Variants in STX7 observed in about 807,000 individuals in gnomAD.
The protein encoded by STX7 is syntaxin 7.
In STX7, 34 loss-of-function variants were observed where a neutral mutation model predicts 39.6. The ratio of observed to expected loss-of-function variants is 0.86; its 90% confidence interval spans 0.65 to 1.14. The LOEUF is 1.14. Ranked by LOEUF, STX7 falls within the 50% of genes most tolerant of loss-of-function variation. The pLI is 0.00. For synonymous variants in STX7, 119 were observed against 99.1 expected, an observed-to-expected ratio of 1.20 and a Z score of -1.19; for missense variants, 284 against 310.4, an observed-to-expected ratio of 0.92 and a Z score of 0.64.
chr6:132,491,917 G>A (rs1377520963), intron 2 of STX7, among the ~76,000 whole-genome samples: 1 of 152,122 alleles, frequency 6.6e-6, no homozygotes, highest in African/African-American at 2.4e-5. Context: ...TCTGGAGTCA[G>A]TCCATATCCA....
rs1774003162 is a variant in STX7 at position 132,445,965 on chromosome 6, T to G, written c.*14793A>C. ...ACATGGGGTTGTTATTACAATCTCT[T>G]CAGTGTTCAAGGTTTCTAAAATTCT... On this transcript the variant is annotated 3_prime_UTR_variant, in exon 10 of 10. Transcript: ENST00000367941. 1 of 152,206 alleles carries G rather than the reference T, an allele frequency of 6.6e-6. No homozygotes were observed. The highest frequency in any genetic ancestry group is 2.4e-5 in the African/African-American group (1 of 41,454). 9.4% of individuals were successfully genotyped at this position (152,206 alleles called of 1,614,324 possible). A position where few individuals can be genotyped will look rare whatever the true frequency, so the allele number is the denominator to read the frequency against.
chr6:132,453,161 C>T lies in STX7; in HGVS notation c.*7597G>A, dbSNP rs1013914180. The T allele has an allele frequency of 6.6e-6, 1 of 151,848 alleles. No homozygotes were observed. Among genetic ancestry groups the T allele is most frequent in the African/African-American group, 2.4e-5 (1 of 41,350 alleles). 9.4% of individuals were successfully genotyped at this position (151,848 alleles called of 1,614,324 possible). A position where few individuals can be genotyped will look rare whatever the true frequency, so the allele number is the denominator to read the frequency against. On this transcript the variant is annotated 3_prime_UTR_variant, in exon 10 of 10. Transcript: ENST00000367941. Reference sequence around the variant, plus strand: ...AATGGACAAAAAAGAGCCTTTTCGACAAATATCATGTTGGAGTAATTGAAT... The same window carrying T: ...AATGGACAAAAAAGAGCCTTTTCGATAAATATCATGTTGGAGTAATTGAAT...
intron 2 of STX7, among the ~76,000 whole-genome samples, chr6:132,489,275 A>ATAAAAG (rs1476460670): frequency 1.3e-5 from 2 of 151,900 alleles, no homozygotes; most frequent in Admixed American, 1.3e-4. Context: ...CTTTGTAAGA[A>ATAAAAG]TAAAAGTACA....
chr6:132,482,577 C>A (rs1349791413), intron 2 of STX7, among the ~76,000 whole-genome samples: 1 of 152,098 alleles, frequency 6.6e-6, no homozygotes, highest in Admixed American at 6.5e-5. Context: ...GCTAAAAGGA[C>A]TGAAAGTAAA....
Position 132,468,450 on chromosome 6 carries a change from A to G in STX7, c.563T>C (p.Ile188Thr). 1 of 1,605,388 alleles carries G rather than the reference A, an allele frequency of 6.2e-7. No individual in the cohort carries two copies. Among genetic ancestry groups the G allele is most frequent in the Non-Finnish European group, 8.5e-7 (1 of 1,174,236 alleles). The change falls in exon 8 of 10, where the codon ATA becomes ACA. Residue 188 changes from isoleucine (I) to threonine (T), a missense_variant. By Grantham distance (89) the Ile-to-Thr change is moderately conservative (BLOSUM62 -1). Coordinates refer to ENST00000367941, the MANE Select transcript of STX7 (RefSeq NM_003569.3). ...AATCATCATTCCCAAATCTTTAAATATTTCATTAATATCCATAATATCAGC... is the reference window on the plus strand; with the variant it reads ...AATCATCATTCCCAAATCTTTAAATGTTTCATTAATATCCATAATATCAGC... ...LEADIMDINE[I>T]FKDLGMMIHE...
In STX7 at chr6:132,460,755, A is replaced by T; in HGVS notation, c.*3T>A. On this transcript the variant is annotated 3_prime_UTR_variant, in exon 10 of 10. Coordinates refer to ENST00000367941, the MANE Select transcript of STX7 (RefSeq NM_003569.3). ...TAGTGCGACAGTGTGCTCCTTTATA[A>T]CTTCAGTGGTTCAATCCCCATATGA... 1 of 1,605,630 alleles carries T rather than the reference A, an allele frequency of 6.2e-7. No individual in the cohort carries two copies. The highest frequency in any genetic ancestry group is 8.5e-7 in the Non-Finnish European group (1 of 1,173,344).
chr6:132,484,150 T>C (rs967972492), intron 2 of STX7, among the ~76,000 whole-genome samples: 4 of 152,236 alleles, frequency 2.6e-5, no homozygotes, highest in African/African-American at 9.6e-5. Context: ...TCTACAATTT[T>C]GAACTATCTG....
intron 2 of STX7, 142 bp downstream of exon 2, chr6:132,503,304 A>G (rs183329415): frequency 9.8e-6 from 6 of 609,212 alleles, no homozygotes; most frequent in African/African-American, 1.9e-5. Flanking sequence ...CATTCATTCT[A>G]AAGAGTTCGA....
chr6:132,459,165 TCTC>T lies in STX7; in HGVS notation c.*1590_*1592del, dbSNP rs1774323938. ...CAGAACAGGTGCTGTTTGTGTGAAT[TCTC>T]CTCCCTGCATTGTCCATTCTGTTCT... On this transcript the variant is annotated 3_prime_UTR_variant, in exon 10 of 10. Transcript: ENST00000367941. 1 of 152,230 alleles carries T rather than the reference TCTC, an allele frequency of 6.6e-6. No homozygotes were observed. 9.4% of individuals were successfully genotyped at this position (152,230 alleles called of 1,614,324 possible). A position where few individuals can be genotyped will look rare whatever the true frequency, so the allele number is the denominator to read the frequency against.
In STX7 at chr6:132,446,423, C is replaced by G. The variant is rs1321461350; in HGVS notation, c.*14335G>C. On this transcript the variant is annotated 3_prime_UTR_variant, in exon 10 of 10. Transcript: ENST00000367941. ...TCATTGTCTTGTTCTTTTTCTGGAACCACAATTTCTGATTGGGAAAACAAA... is the reference window on the plus strand; with the variant it reads ...TCATTGTCTTGTTCTTTTTCTGGAAGCACAATTTCTGATTGGGAAAACAAA... The G allele has an allele frequency of 6.6e-6, 1 of 152,048 alleles. No homozygotes were observed. The highest frequency in any genetic ancestry group is 1.5e-5 in the Non-Finnish European group (1 of 68,004). 9.4% of individuals were successfully genotyped at this position (152,048 alleles called of 1,614,324 possible).
In STX7 at chr6:132,452,415, T is replaced by A. The variant is rs1774153295; in HGVS notation, c.*8343A>T. ...GGACTGAAAGGAAAAAAAAAAGGAA[T>A]ATAGGTCAGAAATGAAGAGATAAAA... On this transcript the variant is annotated 3_prime_UTR_variant, in exon 10 of 10. Transcript: ENST00000367941. 6.6e-6 allele frequency: 1 copy of A among 151,320 alleles called. No individual in the cohort carries two copies. Among genetic ancestry groups the A allele is most frequent in the South Asian group, 2.1e-4 (1 of 4,810 alleles). The allele number at this position is 151,320 out of a possible 1,614,324, so 9.4% of individuals were successfully genotyped here. A position where few individuals can be genotyped will look rare whatever the true frequency, so the allele number is the denominator to read the frequency against.
At chr6:132,501,707 G>T (rs887601927) in intron 2 of STX7, among the ~76,000 whole-genome samples, 3 of 152,048 alleles carry the variant, frequency 2.0e-5, no homozygotes, top group African/African-American at 7.3e-5. Context: ...CCCAACACAG[G>T]ATGCTTATCC....
chr6:132,470,720 A>C, intron 5 of STX7, 94 bp from the exon 6 acceptor site: 1 of 831,292 alleles, frequency 1.2e-6, no homozygotes, highest in Non-Finnish European at 2.0e-6. Context: ...TAATAAACTA[A>C]ACTGATTTAT....
intron 2 of STX7, among the ~76,000 whole-genome samples, chr6:132,491,330 CTT>C (rs1159899395): frequency 1.3e-5 from 2 of 151,386 alleles, no homozygotes; most frequent in Non-Finnish European, 2.9e-5. Context: ...CAAAAGAACT[CTT>C]AAGAGATGGC....
intron 7 of STX7, among the ~76,000 whole-genome samples, chr6:132,468,936 T>C (rs1244037619): frequency 6.6e-6 from 1 of 152,228 alleles, no homozygotes; most frequent in Non-Finnish European, 1.5e-5. Flanking sequence ...CTCACATTAA[T>C]AATTTGAACA....
rs999451961 is a variant in STX7, at chr6:132,448,927, C to T, written c.*11831G>A. ...CTGGCTGCTTTTAAGATATCTTTGC[C>T]TTTATTGTTCTGAAGTTTGAGTATA... On this transcript the variant is annotated 3_prime_UTR_variant, in exon 10 of 10. Coordinates refer to ENST00000367941, the MANE Select transcript of STX7 (RefSeq NM_003569.3). 6.6e-6 allele frequency: 1 copy of T among 150,554 alleles called. No homozygotes were observed. The highest frequency in any genetic ancestry group is 1.5e-5 in the Non-Finnish European group (1 of 67,780). The allele number at this position is 150,554 out of a possible 1,614,324, so 9.3% of individuals were successfully genotyped here.
chr6:132,479,389 T>C (rs979764831), intron 2 of STX7, among the ~76,000 whole-genome samples: 3 of 152,162 alleles, frequency 2.0e-5, no homozygotes, highest in East Asian at 1.9e-4. Context: ...CAAATCCCAA[T>C]AGGAAAAACA....
Position 132,456,425 on chromosome 6 carries a change from A to C in STX7, c.*4333T>G, listed in dbSNP as rs1413247235. Reference sequence around the variant, plus strand: ...AAAACATAAACTCCCTGAGGGCAGGAAGCTTATTCTTTTGGTTCACTCTTA... The same window carrying C: ...AAAACATAAACTCCCTGAGGGCAGGCAGCTTATTCTTTTGGTTCACTCTTA... On this transcript the variant is annotated 3_prime_UTR_variant, in exon 10 of 10. Transcript: ENST00000367941. 6.6e-6 allele frequency: 1 copy of C among 152,188 alleles called. No individual in the cohort carries two copies. Among genetic ancestry groups the C allele is most frequent in the Non-Finnish European group, 1.5e-5 (1 of 68,040 alleles). The allele number at this position is 152,188 out of a possible 1,614,324, so 9.4% of individuals were successfully genotyped here.
At chr6:132,509,389 T>G (rs141014187) in intron 1 of STX7, among the ~76,000 whole-genome samples, 2 of 151,234 alleles carry the variant, frequency 1.3e-5, no homozygotes, top group Non-Finnish European at 1.5e-5. Context: ...GAGGCGGAGG[T>G]TGCAGTGAGC....
Sources: gnomAD v4.1 joint callset for allele counts (sites outside exome capture counted in the v4.1 genomes callset) on GRCh38, gnomAD v4.1.1 for gene constraint, MANE v1.5 for transcripts, NCBI Gene and HGNC (gene_info 2026-07-23, HGNC 2026-07-21) for gene names.